KLRG2: variants seen among roughly 807,000 people sequenced by gnomAD.
KLRG2 encodes the protein killer cell lectin like receptor G2, also known as killer cell lectin-like receptor subfamily G member 2.
KLRG2 carries 39 observed loss-of-function variants against 35.4 expected under a neutral mutation model. The observed-to-expected ratio is 1.10, with a 90% CI of 0.85 to 1.44. KLRG2 has a LOEUF of 1.44. Among genes scored for constraint, KLRG2 ranks in the 40% most tolerant of loss-of-function variants. The pLI is 0.00. For missense variants in KLRG2, 632 were observed against 570.9 expected, an observed-to-expected ratio of 1.11 and a Z score of -1.09; for synonymous variants, 283 against 265.8, an observed-to-expected ratio of 1.06 and a Z score of -0.63.
chr7:139,433,144 T>G, the KLRG2 span, among the ~76,000 whole-genome samples: 1 of 152,184 alleles, frequency 6.6e-6, no homozygotes, highest in Admixed American at 6.5e-5. Flanking sequence ...CTTGGGACAA[T>G]GGTAGCTTTC....
chr7:139,464,737 A>T (rs1585168238), intron 3 of KLRG2, among the ~76,000 whole-genome samples: 1 of 152,178 alleles, frequency 6.6e-6, no homozygotes, highest in Non-Finnish European at 1.5e-5. Flanking sequence ...AAACAATTTG[A>T]CCTTACTCTT....
chr7:139,473,815 T>A (rs1796802502), intron 3 of KLRG2, among the ~76,000 whole-genome samples: 1 of 151,520 alleles, frequency 6.6e-6, no homozygotes, highest in African/African-American at 2.4e-5. Flanking sequence ...CAGGACACTG[T>A]AAAAAAGGAA....
At chr7:139,451,257 T>C (rs1266299021), downstream of KLRG2, among the ~76,000 whole-genome samples, 1 of 152,200 alleles carries the variant, frequency 6.6e-6, no homozygotes, top group Non-Finnish European at 1.5e-5. Context: ...CCCAGCACTT[T>C]GGGAGGCCGA....
intron 3 of KLRG2, among the ~76,000 whole-genome samples, chr7:139,467,218 C>G (rs1796675387): frequency 6.6e-6 from 1 of 152,106 alleles, no homozygotes; most frequent in African/African-American, 2.4e-5. Context: ...TATCACCCCC[C>G]AAAATTTTCG....
chr7:139,457,178 A>AGCT (rs1796492501), intron 3 of KLRG2, among the ~76,000 whole-genome samples: 1 of 152,182 alleles, frequency 6.6e-6, no homozygotes. Flanking sequence ...TACACTGGGC[A>AGCT]GCTGTTCCTT....
chr7:139,475,308 G>A (rs1055882950), intron 3 of KLRG2, among the ~76,000 whole-genome samples: 5 of 151,902 alleles, frequency 3.3e-5, no homozygotes, highest in Non-Finnish European at 7.4e-5. Flanking sequence ...GAGGCAGGCG[G>A]ATCACGAGGT....
At chr7:139,450,765 C>T (rs1323539147), downstream of KLRG2, among the ~76,000 whole-genome samples, 1 of 152,164 alleles carries the variant, frequency 6.6e-6, no homozygotes, top group Non-Finnish European at 1.5e-5. Context: ...GCCCTGAGCA[C>T]TGGAACTGGG....
chr7:139,440,057 C>G, the KLRG2 span, among the ~76,000 whole-genome samples: 2 of 152,082 alleles, frequency 1.3e-5, no homozygotes, highest in African/African-American at 2.4e-5. Flanking sequence ...TGTCTTCTCC[C>G]TGTGTCTTTT....
At position 139,478,030 on chromosome 7, in the gene KLRG2, T is replaced by C. The variant is rs575372945; in HGVS notation, c.1005+1597A>G. 4.9e-3 allele frequency among the ~76,000 whole-genome samples: 725 copies of C among 149,314 alleles called. 7 individuals are homozygous for C. Among genetic ancestry groups the C allele is most frequent in the African/African-American group, 0.017 (691 of 40,916 alleles). ...GCCTCGGCCTCCCAAAGTGCTGGGA[T>C]TACAGGCGTGAGCCACTGTGCCCGG... On this transcript the variant is annotated intron_variant, in intron 3 of 4. Transcript: ENST00000340940.
intron 3 of KLRG2, among the ~76,000 whole-genome samples, chr7:139,457,122 A>G (rs953950847): frequency 2.0e-5 from 3 of 152,166 alleles, no homozygotes; most frequent in Admixed American, 2.0e-4. Context: ...TAAAGACCAG[A>G]GTGCATAGGA....
intron 3 of KLRG2, among the ~76,000 whole-genome samples, chr7:139,476,571 T>G (rs1258575447): frequency 1.3e-5 from 2 of 151,882 alleles, no homozygotes; most frequent in Non-Finnish European, 2.9e-5. Context: ...TCCCAAGTAG[T>G]GGGGACTACA....
chr7:139,448,364 G>C (rs992516253), downstream of KLRG2, among the ~76,000 whole-genome samples: 15 of 152,134 alleles, frequency 9.9e-5, no homozygotes, highest in African/African-American at 3.6e-4. Flanking sequence ...CAGTCTGTTT[G>C]TATGCCTGAA....
the KLRG2 span, among the ~76,000 whole-genome samples, chr7:139,436,048 T>C: frequency 0.3 from 46,179 of 151,794 alleles, 9,288 homozygotes; most frequent in African/African-American, 0.57. Flanking sequence ...ATTACAGGTA[T>C]GCACCACCAT....
chr7:139,439,572 G>A, the KLRG2 span, among the ~76,000 whole-genome samples: 1 of 152,160 alleles, frequency 6.6e-6, no homozygotes, highest in African/African-American at 2.4e-5. Flanking sequence ...TTCCAGGCTG[G>A]GCCAGAGACT....
rs569409716 is a variant in KLRG2 at position 139,483,189 on chromosome 7, T to C, written c.454A>G (p.Lys152Glu). Residue 152 changes from lysine to glutamate, a missense_variant, in exon 1 of 5, where the codon AAG (lysine) becomes GAG (glutamate). Physicochemically the swap from Lys to Glu is moderately conservative, Grantham distance 56. Coordinates refer to ENST00000340940, the MANE Select transcript of KLRG2 (RefSeq NM_198508.4). ...GCAGGGGACTCGGGCACCGGCACCT[T>C]GAGGAAGCGCGTGGAGGGCCTGGGC... ...PSPRPSTRFL[K>E]VPVPESPAFS... 1.1e-4 allele frequency: 170 copies of C among 1,511,384 alleles called. No homozygotes were observed. The African/African-American group carries it at 1.9e-3, about 17-fold the overall frequency. The allele number at this position is 1,511,384 out of a possible 1,614,324, so 93.6% of individuals were successfully genotyped here.
chr7:139,431,545 C>G, the KLRG2 span, among the ~76,000 whole-genome samples: 1 of 152,142 alleles, frequency 6.6e-6, no homozygotes, highest in Non-Finnish European at 1.5e-5. Flanking sequence ...TTGGGGACCC[C>G]CATCCCATGC....
intron 1 of KLRG2, 130 bp downstream of exon 1, chr7:139,482,744 AGATCGGGTTGGG>A (rs1377043568): frequency 1.7e-6 from 1 of 602,800 alleles, no homozygotes; most frequent in African/African-American, 1.9e-5. Context: ...CCGAGAGGCC[AGATCGGGTTGGG>A]GATCGGGATG....
the KLRG2 span, among the ~76,000 whole-genome samples, chr7:139,438,677 A>ATTTTTTT: frequency 1.3e-4 from 18 of 142,830 alleles, no homozygotes; most frequent in African/African-American, 3.4e-4. Context: ...CATTTTGGCA[A>ATTTTTTT]TTTTTTTTTT....
rs1170995354 is a variant in KLRG2, at chr7:139,483,260, A to G, written c.383T>C (p.Val128Ala). 1.3e-6 allele frequency: 2 copies of G among 1,557,474 alleles called. No individual in the cohort carries two copies. The highest frequency in any genetic ancestry group is 3.6e-5 in the Admixed American group (2 of 54,936). ...AWAPMELQVD[V>A]RVKPVGAAGG... ...GGCCGCGCCCACGGGCTTCACGCGC[A>G]CATCTACCTGCAGCTCCATGGGCGC... The change falls in exon 1 of 5, where the codon GTG becomes GCG. Residue 128 changes from valine (V) to alanine (A), a missense_variant. Transcript: ENST00000340940.
Sources: allele counts gnomAD v4.1 joint callset (sites outside exome capture counted in the v4.1 genomes callset), GRCh38; gene constraint gnomAD v4.1.1; transcripts MANE v1.5; gene names NCBI Gene and HGNC (gene_info 2026-07-23, HGNC 2026-07-21).